The following SLC35F4 variants were observed in gnomAD, a reference collection of about 807,000 sequenced individuals.
SLC35F4 encodes the protein chromosome 14 open reading frame 36.
In SLC35F4, 24 loss-of-function variants were observed where a neutral mutation model predicts 44.2. The observed-to-expected ratio is 0.54, with a 90% CI of 0.39 to 0.76. SLC35F4 has a LOEUF of 0.76. SLC35F4 is among the 30% of genes least tolerant of loss of function. SLC35F4 has a pLI of 0.00. For missense variants in SLC35F4, 562 were observed against 586.1 expected (o/e 0.96, Z 0.42); for synonymous variants, 238 against 223.6 (o/e 1.06, Z -0.57).
intron 1 of SLC35F4, among the ~76,000 whole-genome samples, chr14:57,854,399 A>C (rs1411301458): frequency 6.6e-6 from 1 of 152,242 alleles, no homozygotes; most frequent in Non-Finnish European, 1.5e-5. Context: ...TTTTAAAAAA[A>C]GAACATAAAA....
intron 1 of SLC35F4, among the ~76,000 whole-genome samples, chr14:57,666,163 G>A (rs1051083495): frequency 6.6e-6 from 1 of 152,178 alleles, no homozygotes; most frequent in Non-Finnish European, 1.5e-5. Context: ...CCTTTGTTGT[G>A]TGTACAGACA....
intron 1 of SLC35F4, among the ~76,000 whole-genome samples, chr14:57,886,757 G>GAAAAAAAAAAAAAA: frequency 6.9e-6 from 1 of 144,404 alleles, no homozygotes. Flanking sequence ...GCTTTTGGCC[G>GAAAAAAAAAAAAAA]AAAAAAAAAA....
chr14:57,753,359 C>T (rs78292828), intron 1 of SLC35F4, among the ~76,000 whole-genome samples: 1,825 of 152,322 alleles, frequency 0.012, 43 homozygotes, highest in African/African-American at 0.042. Context: ...TAAGTAGCAC[C>T]TGGGCAGCCC....
intron 1 of SLC35F4, among the ~76,000 whole-genome samples, chr14:57,737,919 A>G (rs1057172794): frequency 1.3e-5 from 2 of 152,238 alleles, no homozygotes; most frequent in Non-Finnish European, 2.9e-5. Context: ...TACAATATTC[A>G]TAAGTAGGGA....
intron 1 of SLC35F4, among the ~76,000 whole-genome samples, chr14:57,948,679 A>C (rs1890079928): frequency 6.6e-6 from 1 of 152,080 alleles, no homozygotes; most frequent in East Asian, 1.9e-4. Context: ...TAATGCTATA[A>C]ACTTTCCTCT....
Position 57,836,162 on chromosome 14 carries a change from T to C in SLC35F4, c.103+29561A>G, listed in dbSNP as rs1164753564. ...GCAGCCAGTGTTTTGCAGACTTCAG[T>C]AGTTTAACTAATGACTTACCTACAT... On this transcript the variant is annotated intron_variant, in intron 1 of 7. Transcript: ENST00000556826. Among the ~76,000 whole-genome samples, 6 of 152,216 alleles carry C rather than the reference T, an allele frequency of 3.9e-5. No individual in the cohort carries two copies. The East Asian group carries it at 9.6e-4, about 24-fold the overall frequency.
chr14:57,761,469 T>A lies in SLC35F4; in HGVS notation c.103+104254A>T, dbSNP rs576284844. ...TTATAAAAGTCTACATAATGAAGAC[T>A]TAGAACAAAAATTGTGTACAAAGTT... On this transcript the variant is annotated intron_variant, in intron 1 of 7. Coordinates refer to ENST00000556826, the MANE Select transcript of SLC35F4 (RefSeq NM_001306087.2). Among the ~76,000 whole-genome samples, 8 of 152,248 alleles carry A rather than the reference T, an allele frequency of 5.3e-5. No individual in the cohort carries two copies. The South Asian group carries it at 1.5e-3, about 28-fold the overall frequency.
intron 1 of SLC35F4, among the ~76,000 whole-genome samples, chr14:57,752,306 G>A (rs181892260): frequency 1.7e-3 from 266 of 152,204 alleles, no homozygotes; most frequent in Non-Finnish European, 3.2e-3. Flanking sequence ...ACTTGAACTT[G>A]TTCTCCCCAA....
At chr14:57,853,229 T>C (rs1359165100) in intron 1 of SLC35F4, among the ~76,000 whole-genome samples, 2 of 152,170 alleles carry the variant, frequency 1.3e-5, no homozygotes, top group East Asian at 1.9e-4. Context: ...ATACTCTAAA[T>C]AGACACTTGG....
intron 1 of SLC35F4, among the ~76,000 whole-genome samples, chr14:57,700,238 A>C (rs980049706): frequency 3.9e-5 from 6 of 152,212 alleles, no homozygotes; most frequent in Non-Finnish European, 5.9e-5. Flanking sequence ...TACCGTACTG[A>C]ATACTATTTG....
intron 1 of SLC35F4, among the ~76,000 whole-genome samples, chr14:57,648,138 C>T (rs1215331033): frequency 1.3e-5 from 2 of 152,108 alleles, no homozygotes; most frequent in East Asian, 1.9e-4. Context: ...AGATATTATA[C>T]CTCAGGTGTC....
intron 1 of SLC35F4, among the ~76,000 whole-genome samples, chr14:57,720,680 C>G (rs369344081): frequency 2.7e-4 from 41 of 151,916 alleles, no homozygotes; most frequent in African/African-American, 9.9e-4. Context: ...GAGAGTGTTG[C>G]CAAAGGAGAT....
In SLC35F4 at chr14:57,692,217, G is replaced by A. The variant is rs576320319; in HGVS notation, c.104-98093C>T. On this transcript the variant is annotated intron_variant, in intron 1 of 7. Coordinates refer to ENST00000556826, the MANE Select transcript of SLC35F4 (RefSeq NM_001306087.2). ...GCTCCTAGTACGACGAAGTTCTACC[G>A]TGGAAGGACTTTTCTAACGTACAGC... is the stretch of plus-strand genomic sequence containing the variant. Among the ~76,000 whole-genome samples the A allele has an allele frequency of 4.3e-4, 66 of 152,250 alleles. No homozygotes were observed. The South Asian group carries it at 5.8e-3, about 13-fold the overall frequency.
At chr14:57,596,893 T>C (rs1189625835) in intron 1 of SLC35F4, 1 of 1,367,058 alleles carries the variant, frequency 7.3e-7, no homozygotes, top group South Asian at 1.1e-5. Context: ...GAGTAGTTCA[T>C]CCATGACAGA....
intron 4 of SLC35F4, chr14:57,579,626 G>A (rs2069095749): frequency 6.6e-6 from 1 of 152,256 alleles, no homozygotes; most frequent in East Asian, 1.9e-4. Context: ...AGGTTCTTAT[G>A]GGTGGTCCAT....
intron 1 of SLC35F4, among the ~76,000 whole-genome samples, chr14:57,920,021 C>T (rs1889411356): frequency 6.6e-6 from 1 of 152,144 alleles, no homozygotes; most frequent in African/African-American, 2.4e-5. Flanking sequence ...GAGCAGTAAA[C>T]CTCCCTGTTC....
chr14:57,881,460 T>C lies in SLC35F4; in HGVS notation n.282+100453A>G, dbSNP rs115644919. On this transcript the variant is annotated intron_variant and non_coding_transcript_variant, in intron 1 of 1. Coordinates refer to the SLC35F4 transcript ENST00000556568. ...AATAAGGGGCATGGTGTCAATATAG[T>C]TGAAATATCTGTTGTGCCTCTTATA... 3.7e-3 allele frequency among the ~76,000 whole-genome samples: 560 copies of C among 152,286 alleles called. 3 individuals are homozygous for C. The highest frequency in any genetic ancestry group is 0.013 in the African/African-American group (538 of 41,574).
chr14:57,887,969 A>C (rs1237266572), intron 1 of SLC35F4, among the ~76,000 whole-genome samples: 1 of 152,166 alleles, frequency 6.6e-6, no homozygotes, highest in East Asian at 1.9e-4. Context: ...TCATTGCCTC[A>C]TGGACATGCT....
intron 1 of SLC35F4, among the ~76,000 whole-genome samples, chr14:57,839,971 T>C (rs1423485697): frequency 1.3e-5 from 2 of 152,186 alleles, no homozygotes; most frequent in Admixed American, 1.3e-4. Flanking sequence ...TCTAGTCTTC[T>C]ACAAGCAATC....
Sources: gnomAD v4.1 joint callset for allele counts (sites outside exome capture counted in the v4.1 genomes callset) on GRCh38, gnomAD v4.1.1 for gene constraint, MANE v1.5 for transcripts, NCBI Gene and HGNC (gene_info 2026-07-23, HGNC 2026-07-21) for gene names.